DENND1B: variants seen among roughly 807,000 people sequenced by gnomAD.
The protein encoded by DENND1B is DENN domain-containing protein 1B.
Under a neutral mutation model 90.1 loss-of-function variants are expected in DENND1B, and 59 were observed. The ratio of observed to expected loss-of-function variants is 0.65; its 90% confidence interval spans 0.53 to 0.81. The LOEUF (loss-of-function observed/expected upper bound fraction) is 0.81. Ranked by LOEUF, DENND1B falls within the 40% of genes least tolerant of loss-of-function variation. The probability of loss-of-function intolerance (pLI) is 0.00; values close to 1 mark genes in which losing one functional copy is unlikely to be tolerated. For missense variants in DENND1B, 862 were observed against 912.6 expected (o/e 0.94, Z 0.71); for synonymous variants, 337 against 324.6 (o/e 1.04, Z -0.41).
At chr1:197,725,748 G>A (rs1048266925) in intron 2 of DENND1B, among the ~76,000 whole-genome samples, 22 of 151,834 alleles carry the variant, frequency 1.4e-4, no homozygotes, top group Non-Finnish European at 2.6e-4. Context: ...GAACATAAAG[G>A]GCCTTGAGAG....
intron 14 of DENND1B, among the ~76,000 whole-genome samples, chr1:197,589,666 T>C (rs1402214914): frequency 6.6e-6 from 1 of 152,186 alleles, no homozygotes; most frequent in Non-Finnish European, 1.5e-5. Context: ...TACAACAACA[T>C]TACTTACTGA....
intron 3 of DENND1B, among the ~76,000 whole-genome samples, chr1:197,707,403 T>TG (rs1659657981): frequency 6.6e-6 from 1 of 151,790 alleles, no homozygotes; most frequent in South Asian, 2.1e-4. Context: ...TATTTTCAAA[T>TG]AGCTAGAAGA....
intron 15 of DENND1B, among the ~76,000 whole-genome samples, chr1:197,555,020 A>G (rs1671597933): frequency 1.3e-5 from 2 of 152,072 alleles, no homozygotes; most frequent in Non-Finnish European, 2.9e-5. Flanking sequence ...GACACCTGAA[A>G]TAAAGCTGCA....
intron 2 of DENND1B, among the ~76,000 whole-genome samples, chr1:197,770,842 ATATAAATATATATCTATAAATATATATC>A (rs1188477984): frequency 2.1e-5 from 2 of 97,036 alleles, no homozygotes; most frequent in African/African-American, 6.5e-5. Flanking sequence ...CTATAAATAT[ATATAAATATATATCTATAAATATATATC>A]TATAAATATA....
intron 14 of DENND1B, among the ~76,000 whole-genome samples, chr1:197,591,975 G>A (rs1285572250): frequency 6.6e-6 from 1 of 151,862 alleles, no homozygotes; most frequent in Non-Finnish European, 1.5e-5. Context: ...CGGGCATGGT[G>A]GCGGGCACCT....
intron 2 of DENND1B, among the ~76,000 whole-genome samples, chr1:197,768,136 G>T (rs897744284): frequency 6.6e-6 from 1 of 151,810 alleles, no homozygotes; most frequent in African/African-American, 2.4e-5. Flanking sequence ...TGCTGCTGCT[G>T]CTCCTCCACC....
intron 10 of DENND1B, among the ~76,000 whole-genome samples, chr1:197,637,242 G>GA (rs879545108): frequency 1.2e-4 from 18 of 149,316 alleles, no homozygotes; most frequent in South Asian, 2.1e-4. Flanking sequence ...TAAGAAAAAA[G>GA]AAAAAAAAAT....
chr1:197,661,253 TACTA>T (rs2125960587), intron 5 of DENND1B, among the ~76,000 whole-genome samples: 1 of 152,238 alleles, frequency 6.6e-6, no homozygotes, highest in East Asian at 1.9e-4. Context: ...ACTTTTATAA[TACTA>T]ACTAAATATA....
At chr1:197,728,292 CCTT>C (rs1661835460) in intron 2 of DENND1B, among the ~76,000 whole-genome samples, 1 of 152,202 alleles carries the variant, frequency 6.6e-6, no homozygotes, top group Admixed American at 6.5e-5. Context: ...CTTTTAAAAA[CCTT>C]CTGCCATTTT....
At chr1:197,644,391 T>A (rs987384048) in intron 9 of DENND1B, among the ~76,000 whole-genome samples, 6 of 152,226 alleles carry the variant, frequency 3.9e-5, no homozygotes, top group African/African-American at 1.2e-4. Flanking sequence ...AAAGTAATCA[T>A]CTTTTTTAAA....
At chr1:197,545,009 AC>A (rs1558222725) in intron 18 of DENND1B, among the ~76,000 whole-genome samples, 13 of 20,428 alleles carry the variant, frequency 6.4e-4, no homozygotes, top group East Asian at 2.4e-3. Flanking sequence ...GAAGACGACG[AC>A]GACGACGACG....
chr1:197,592,416 A>G (rs1675317718), intron 14 of DENND1B, among the ~76,000 whole-genome samples: 2 of 152,214 alleles, frequency 1.3e-5, no homozygotes, highest in South Asian at 2.1e-4. Context: ...GTGATCAAAA[A>G]TTATGAATAT....
chr1:197,566,809 A>G (rs901330211), intron 15 of DENND1B, among the ~76,000 whole-genome samples: 2 of 151,948 alleles, frequency 1.3e-5, no homozygotes, highest in African/African-American at 4.8e-5. Context: ...AAAAAAAAAA[A>G]TTCCTGGAAA....
At chr1:197,748,840 T>C (rs1653069490) in intron 2 of DENND1B, among the ~76,000 whole-genome samples, 1 of 152,186 alleles carries the variant, frequency 6.6e-6, no homozygotes, top group African/African-American at 2.4e-5. Flanking sequence ...TAATTTGTTA[T>C]GGCAAAACAA....
At chr1:197,755,311 C>T (rs375896673) in intron 2 of DENND1B, among the ~76,000 whole-genome samples, 2 of 151,796 alleles carry the variant, frequency 1.3e-5, no homozygotes, top group Non-Finnish European at 1.5e-5. Context: ...GTATGAGAAT[C>T]AAATAAATAA....
intron 3 of DENND1B, among the ~76,000 whole-genome samples, chr1:197,700,434 C>A (rs1363879165): frequency 6.6e-6 from 1 of 152,184 alleles, no homozygotes; most frequent in African/African-American, 2.4e-5. Context: ...AACTGGACCA[C>A]TGCCTTACAC....
chr1:197,671,861 A>T (rs543238175), intron 5 of DENND1B, among the ~76,000 whole-genome samples, 176 bp downstream of exon 5: 1 of 152,278 alleles, frequency 6.6e-6, no homozygotes, highest in Non-Finnish European at 1.5e-5. Context: ...GGAAAGTTCC[A>T]CTATGTTAAT....
chr1:197,526,873 G>A (rs566641953), intron 20 of DENND1B, among the ~76,000 whole-genome samples: 106 of 152,174 alleles, frequency 7.0e-4, no homozygotes, highest in African/African-American at 2.5e-3. Context: ...GTATTCTGTT[G>A]TGTTTCTAAA....
chr1:197,511,807 CTG>C lies in DENND1B; in HGVS notation c.1734_1735del (p.His578GlnfsTer17). On this transcript the variant is annotated frameshift_variant, in exon 22 of 23. Transcript: ENST00000620048. LOFTEE classifies it high-confidence loss of function. ...AGCTGCCAGCTTCCCCTGATCTGAG[CTG>C]TGTGTGCTCAATGTATCAAGAATCT... The C allele has an allele frequency of 6.2e-7, 1 of 1,611,118 alleles. No individual in the cohort carries two copies. Among genetic ancestry groups the C allele is most frequent in the South Asian group, 1.1e-5 (1 of 90,854 alleles).
Sources: allele counts gnomAD v4.1 joint callset (sites outside exome capture counted in the v4.1 genomes callset), GRCh38; gene constraint gnomAD v4.1.1; transcripts MANE v1.5; gene names NCBI Gene and HGNC (gene_info 2026-07-23, HGNC 2026-07-21).